Variants in NR3C2 observed in about 807,000 individuals in gnomAD.
NR3C2 encodes mineralocorticoid receptor.
NR3C2 carries 15 observed loss-of-function variants against 86.4 expected under a neutral mutation model. That is an observed-to-expected ratio of 0.17 (90% CI 0.12 to 0.27). NR3C2 has a LOEUF of 0.27. NR3C2 is among the 10% of genes least tolerant of loss of function. The probability of loss-of-function intolerance (pLI) is 1.00; values close to 1 mark genes in which losing one functional copy is unlikely to be tolerated. For synonymous variants in NR3C2, 458 were observed against 450.5 expected, an observed-to-expected ratio of 1.02 and a Z score of -0.21; for missense variants, 960 against 1,195.6, an observed-to-expected ratio of 0.80 and a Z score of 2.91.
At chr4:148,311,287 C>G (rs1006514048) in intron 2 of NR3C2, among the ~76,000 whole-genome samples, 5 of 152,158 alleles carry the variant, frequency 3.3e-5, no homozygotes, top group African/African-American at 1.2e-4. Context: ...ATCCAACTGT[C>G]TACTCATCAT....
chr4:148,126,756 C>A (rs1428604445), intron 6 of NR3C2, among the ~76,000 whole-genome samples: 2 of 152,160 alleles, frequency 1.3e-5, no homozygotes, highest in East Asian at 3.8e-4. Flanking sequence ...AACTAAATAA[C>A]CTCTACAGTC....
intron 6 of NR3C2, among the ~76,000 whole-genome samples, chr4:148,133,368 A>G (rs1174730321): frequency 6.6e-6 from 1 of 152,164 alleles, no homozygotes; most frequent in Non-Finnish European, 1.5e-5. Context: ...TTATTGCTTC[A>G]TACAGGGACA....
intron 2 of NR3C2, among the ~76,000 whole-genome samples, chr4:148,272,870 C>CA (rs142255638): frequency 2.4e-4 from 36 of 150,030 alleles, no homozygotes; most frequent in East Asian, 1.8e-3. Flanking sequence ...CTGGCATTTG[C>CA]AAAAAAAAGA....
At chr4:148,208,662 G>C (rs1436709382) in intron 3 of NR3C2, 1 of 152,216 alleles carries the variant, frequency 6.6e-6, no homozygotes. Context: ...GTCCTACTCA[G>C]ACCACCAGCA....
chr4:148,198,457 G>A (rs1035049923), intron 3 of NR3C2, among the ~76,000 whole-genome samples: 15 of 152,174 alleles, frequency 9.9e-5, no homozygotes, highest in Admixed American at 8.5e-4. Flanking sequence ...GTAGAAAAAC[G>A]AAGGGCAGGG....
intron 2 of NR3C2, among the ~76,000 whole-genome samples, chr4:148,266,159 G>A (rs1330272680): frequency 1.4e-5 from 2 of 145,852 alleles, no homozygotes; most frequent in African/African-American, 5.0e-5. Flanking sequence ...TGCAACCTCC[G>A]CCTCCCGGGT....
chr4:148,259,835 C>T lies in NR3C2; in HGVS notation c.1897+143G>A, dbSNP rs1012251340. The T allele has an allele frequency of 8.7e-6, 9 of 1,039,992 alleles. No individual in the cohort carries two copies. The Admixed American group carries it at 1.0e-4, about 12-fold the overall frequency. The allele number at this position is 1,039,992 out of a possible 1,614,324, so 64.4% of individuals were successfully genotyped here. On this transcript the variant is annotated intron_variant, in intron 3 of 8. Transcript: ENST00000358102. ...GGAAAATCTCCAGGTGGTTTTTATA[C>T]AAGGCACTATTACTGTTTATCACTG...
At chr4:148,397,045 T>C (rs749021259) in intron 2 of NR3C2, among the ~76,000 whole-genome samples, 3 of 152,352 alleles carry the variant, frequency 2.0e-5, no homozygotes, top group Non-Finnish European at 2.9e-5. Context: ...AGAGGAACCC[T>C]ATTGAAATTT....
intron 6 of NR3C2, among the ~76,000 whole-genome samples, chr4:148,145,221 G>C (rs1027819413): frequency 9.9e-5 from 15 of 152,176 alleles, no homozygotes; most frequent in African/African-American, 2.4e-4. Flanking sequence ...TATGACCTAG[G>C]AATACTGGAC....
At chr4:148,408,615 C>T (rs565073813) in intron 2 of NR3C2, among the ~76,000 whole-genome samples, 1 of 152,234 alleles carries the variant, frequency 6.6e-6, no homozygotes, top group South Asian at 2.1e-4. Context: ...AAATGCTGAA[C>T]CACATTTCTT....
At chr4:148,134,900 G>T (rs529082859) in intron 6 of NR3C2, among the ~76,000 whole-genome samples, 3 of 150,906 alleles carry the variant, frequency 2.0e-5, no homozygotes, top group Admixed American at 6.6e-5. Flanking sequence ...CAGGTGATCC[G>T]CCCCACCTCG....
chr4:148,422,678 C>T (rs565478689), intron 2 of NR3C2, among the ~76,000 whole-genome samples: 72 of 152,190 alleles, frequency 4.7e-4, no homozygotes, highest in African/African-American at 1.3e-3. Context: ...TATCAAAATC[C>T]ATATGTCACT....
intron 4 of NR3C2, among the ~76,000 whole-genome samples, chr4:148,175,784 G>A (rs918508535): frequency 1.3e-5 from 2 of 152,058 alleles, no homozygotes; most frequent in African/African-American, 4.8e-5. Context: ...ATTAAGAATG[G>A]CTTGATTTGA....
intron 2 of NR3C2, among the ~76,000 whole-genome samples, chr4:148,365,266 G>T (rs1365060503): frequency 6.6e-6 from 1 of 152,160 alleles, no homozygotes; most frequent in Non-Finnish European, 1.5e-5. Flanking sequence ...CCTGCATTTT[G>T]ACTGTGACCT....
In NR3C2 at chr4:148,080,822, C is replaced by A; in HGVS notation, c.*522G>T. The A allele has an allele frequency of 2.3e-6, 1 of 425,542 alleles. No homozygotes were observed. The highest frequency in any genetic ancestry group is 4.8e-6 in the Non-Finnish European group (1 of 206,870). 26.4% of individuals were successfully genotyped at this position (425,542 alleles called of 1,614,324 possible). A position where few individuals can be genotyped will look rare whatever the true frequency, so the allele number is the denominator to read the frequency against. On this transcript the variant is annotated 3_prime_UTR_variant, in exon 9 of 9. Coordinates refer to ENST00000358102, the MANE Select transcript of NR3C2 (RefSeq NM_000901.5). ...CGAGGGCTCAGAGGCAGCTGCTGCC[C>A]CACGCCACGAGTTCTGTTATTACAC...
At chr4:148,212,814 G>GTT (rs1341278283) in intron 3 of NR3C2, among the ~76,000 whole-genome samples, 2 of 152,200 alleles carry the variant, frequency 1.3e-5, no homozygotes, top group Non-Finnish European at 2.9e-5. Flanking sequence ...TTATTGTGTG[G>GTT]TTTTAGCCTC....
chr4:148,247,212 A>G (rs537382240), intron 3 of NR3C2, among the ~76,000 whole-genome samples: 1 of 152,316 alleles, frequency 6.6e-6, no homozygotes, highest in African/African-American at 2.4e-5. Context: ...CAAATTTTCA[A>G]GTAACTTTAA....
At chr4:148,224,754 A>T (rs534853320) in intron 3 of NR3C2, among the ~76,000 whole-genome samples, 2 of 152,338 alleles carry the variant, frequency 1.3e-5, no homozygotes, top group African/African-American at 4.8e-5. Flanking sequence ...TTCATTTTTT[A>T]AATGGTAATA....
At chr4:148,248,939 G>A (rs1394020822) in intron 3 of NR3C2, among the ~76,000 whole-genome samples, 1 of 152,176 alleles carries the variant, frequency 6.6e-6, no homozygotes, top group Non-Finnish European at 1.5e-5. Context: ...TTCTAACTCA[G>A]AGATGGGCAG....
Sources: allele counts gnomAD v4.1 joint callset (sites outside exome capture counted in the v4.1 genomes callset), GRCh38; gene constraint gnomAD v4.1.1; transcripts MANE v1.5; gene names NCBI Gene and HGNC (gene_info 2026-07-23, HGNC 2026-07-21).